CD8B2: variants seen among roughly 807,000 people sequenced by gnomAD.
CD8B2 encodes CD8B family member 2.
Under a neutral mutation model 23.7 loss-of-function variants are expected in CD8B2, and 11 were observed. The ratio of observed to expected loss-of-function variants is 0.46; its 90% confidence interval spans 0.29 to 0.77. The LOEUF is 0.77. CD8B2 is among the 30% of genes least tolerant of loss of function. The pLI is 0.09. For synonymous variants in CD8B2, 90 were observed against 109.3 expected (o/e 0.82, Z 1.10); for missense variants, 197 against 270.5 (o/e 0.73, Z 1.91).
chr2:106,534,629 G>GAGCT (rs1032252523), intron 5 of CD8B2, among the ~76,000 whole-genome samples: 20 of 152,282 alleles, frequency 1.3e-4, no homozygotes, highest in African/African-American at 4.6e-4. Flanking sequence ...CCAGGGACCA[G>GAGCT]AGCTAGCCCT....
intron 5 of CD8B2, among the ~76,000 whole-genome samples, chr2:106,528,137 A>T (rs1436552008): frequency 6.6e-6 from 1 of 152,218 alleles, no homozygotes; most frequent in Non-Finnish European, 1.5e-5. Flanking sequence ...AATATTGAAC[A>T]TATTTTAATG....
intron 5 of CD8B2, among the ~76,000 whole-genome samples, chr2:106,531,408 C>T (rs765002051): frequency 8.5e-5 from 13 of 152,280 alleles, no homozygotes; most frequent in Middle Eastern, 3.4e-3. Context: ...GACGCTGAAA[C>T]GGGCAGGTGC....
chr2:106,534,390 G>A (rs1386051952), intron 5 of CD8B2, among the ~76,000 whole-genome samples: 1 of 152,174 alleles, frequency 6.6e-6, no homozygotes, highest in Non-Finnish European at 1.5e-5. Context: ...GAAAGAAAAA[G>A]ATCCGATGCC....
chr2:106,524,025 T>A (rs980815804), intron 5 of CD8B2, among the ~76,000 whole-genome samples: 8 of 152,168 alleles, frequency 5.3e-5, no homozygotes, highest in African/African-American at 1.9e-4. Context: ...TCTTAGACAA[T>A]TGGGCAGGTT....
intron 4 of CD8B2, among the ~76,000 whole-genome samples, chr2:106,503,484 C>T (rs1378069443): frequency 1.3e-5 from 2 of 152,230 alleles, no homozygotes; most frequent in African/African-American, 4.8e-5. Context: ...TGCAAACTCT[C>T]TCGATCAAGG....
chr2:106,491,662 C>G (rs1370020773), intron 2 of CD8B2, among the ~76,000 whole-genome samples: 1 of 152,110 alleles, frequency 6.6e-6, no homozygotes, highest in Non-Finnish European at 1.5e-5. Flanking sequence ...ATTCTCCTGC[C>G]TCAGCTTCCT....
chr2:106,525,055 A>C (rs1320572649), intron 5 of CD8B2, among the ~76,000 whole-genome samples: 1 of 152,150 alleles, frequency 6.6e-6, no homozygotes. Context: ...GGAGACACCA[A>C]CTGGAACCAA....
chr2:106,491,365 G>A, intron 2 of CD8B2, 132 bp downstream of exon 2: 1 of 790,494 alleles, frequency 1.3e-6, no homozygotes, highest in East Asian at 2.5e-5. Flanking sequence ...AATAGTAACA[G>A]AAAGAACATG....
chr2:106,532,539 C>T (rs908666963), intron 5 of CD8B2, among the ~76,000 whole-genome samples: 1 of 152,214 alleles, frequency 6.6e-6, no homozygotes, highest in African/African-American at 2.4e-5. Flanking sequence ...GGCAGAGTAG[C>T]CCCAAGGGCT....
At chr2:106,524,973 C>A (rs1679888606) in intron 5 of CD8B2, among the ~76,000 whole-genome samples, 1 of 152,204 alleles carries the variant, frequency 6.6e-6, no homozygotes, top group Non-Finnish European at 1.5e-5. Context: ...CAGTCTCCAG[C>A]AGTCTGTAAG....
At chr2:106,490,765 G>A in intron 1 of CD8B2, 109 bp from the exon 2 acceptor site, 1 of 1,517,256 alleles carries the variant, frequency 6.6e-7, no homozygotes, top group South Asian at 1.4e-5. Context: ...CCAGTAACTG[G>A]GCAGGTTCTT....
At chr2:106,542,655 G>GGTATATATTATATATGAA (rs1220284197) in intron 5 of CD8B2, among the ~76,000 whole-genome samples, 22 of 145,874 alleles carry the variant, frequency 1.5e-4, no homozygotes, top group South Asian at 6.3e-4. Flanking sequence ...TAAATATATA[G>GGTATATATTATATATGAA]GTATATATTA....
rs533168987 is a variant in CD8B2, at chr2:106,509,980, T to G, written c.*3040T>G. 3.9e-4 allele frequency: 59 copies of G among 152,264 alleles called. No homozygotes were observed. Among genetic ancestry groups the G allele is most frequent in the African/African-American group, 1.3e-3 (53 of 41,550 alleles). The allele number at this position is 152,264 out of a possible 1,614,324, so 9.4% of individuals were successfully genotyped here. ...ACTGGTCAGATAAATTCAGACACAG[T>G]CTAATAAGGGGGTTTAGGCGGCTGC... is the stretch of plus-strand genomic sequence containing the variant. On this transcript the variant is annotated 3_prime_UTR_variant, in exon 6 of 6. Transcript: ENST00000643224.
chr2:106,504,454 G>C, intron 5 of CD8B2, 129 bp downstream of exon 5: 1 of 1,526,228 alleles, frequency 6.6e-7, no homozygotes, highest in Non-Finnish European at 8.8e-7. Flanking sequence ...GGGCGTGGTA[G>C]TGCACACCTG....
chr2:106,534,053 G>A (rs1680049480), intron 5 of CD8B2, among the ~76,000 whole-genome samples: 1 of 152,182 alleles, frequency 6.6e-6, no homozygotes, highest in Non-Finnish European at 1.5e-5. Flanking sequence ...TAAAAACTCA[G>A]GTGTAGGTAC....
At chr2:106,494,100 A>G (rs1438221716) in intron 2 of CD8B2, among the ~76,000 whole-genome samples, 1 of 152,118 alleles carries the variant, frequency 6.6e-6, no homozygotes, top group Non-Finnish European at 1.5e-5. Flanking sequence ...TGCCAGCCCA[A>G]AAATGACTGA....
chr2:106,500,484 A>C (rs1485099891), intron 3 of CD8B2, among the ~76,000 whole-genome samples: 2 of 151,796 alleles, frequency 1.3e-5, no homozygotes, highest in African/African-American at 4.8e-5. Flanking sequence ...TCGCCATTGC[A>C]CTCCAGCCTG....
intron 3 of CD8B2, among the ~76,000 whole-genome samples, 187 bp downstream of exon 3, chr2:106,496,449 C>G (rs1343794856): frequency 6.6e-6 from 1 of 152,118 alleles, no homozygotes; most frequent in Non-Finnish European, 1.5e-5. Context: ...GAGACAGACT[C>G]GTAAATTGTT....
At chr2:106,532,931 T>C (rs1428516807) in intron 5 of CD8B2, among the ~76,000 whole-genome samples, 1 of 152,220 alleles carries the variant, frequency 6.6e-6, no homozygotes, top group Non-Finnish European at 1.5e-5. Flanking sequence ...AGCCTTATTT[T>C]ACCCAGACCC....
Sources: allele counts gnomAD v4.1 joint callset (sites outside exome capture counted in the v4.1 genomes callset), GRCh38; gene constraint gnomAD v4.1.1; transcripts MANE v1.5; gene names NCBI Gene and HGNC (gene_info 2026-07-23, HGNC 2026-07-21).